Variants in PRDM16 observed in about 807,000 individuals in gnomAD.
PRDM16 encodes the protein histone-lysine N-methyltransferase PRDM16.
Under a neutral mutation model 110.6 loss-of-function variants are expected in PRDM16, and 23 were observed. That is an observed-to-expected ratio of 0.21 (90% CI 0.15 to 0.29). PRDM16 has a LOEUF of 0.29. Ranked by LOEUF, PRDM16 falls within the 10% of genes least tolerant of loss-of-function variation. PRDM16 has a pLI of 1.00. For missense variants in PRDM16, 1,615 were observed against 1,794.3 expected, an observed-to-expected ratio of 0.90 and a Z score of 1.81; for synonymous variants, 799 against 781.8, an observed-to-expected ratio of 1.02 and a Z score of -0.37.
chr1:3,186,079 G>C, intron 1 of PRDM16, 46 bp from the exon 2 acceptor site: 1 of 1,506,476 alleles, frequency 6.6e-7, no homozygotes, highest in Non-Finnish European at 9.2e-7. Context: ...GTACACACTG[G>C]GTGGGGCACG....
At chr1:3,110,272 C>G (rs896097998) in intron 1 of PRDM16, among the ~76,000 whole-genome samples, 1 of 142,802 alleles carries the variant, frequency 7.0e-6, no homozygotes, top group African/African-American at 2.6e-5. Context: ...TCCCCTATGT[C>G]CTGGGTGTGG....
chr1:3,165,813 A>G (rs1273285140), intron 1 of PRDM16, among the ~76,000 whole-genome samples: 1 of 81,756 alleles, frequency 1.2e-5, no homozygotes, highest in Non-Finnish European at 2.1e-5. Context: ...GGGCTCAGGC[A>G]CAGGGACTCA....
intron 3 of PRDM16, among the ~76,000 whole-genome samples, chr1:3,361,966 G>A (rs11583116): frequency 0.014 from 2,053 of 151,858 alleles, 18 homozygotes; most frequent in Middle Eastern, 0.024. Context: ...AGAAGTGACC[G>A]TGGCCCAGGA....
At position 3,412,543 on chromosome 1, in the gene PRDM16, G is replaced by A; in HGVS notation, c.2346G>A (p.Val782=). 4 of 1,612,436 alleles carry A rather than the reference G, an allele frequency of 2.5e-6. No homozygotes were observed. The highest frequency in any genetic ancestry group is 3.4e-6 in the Non-Finnish European group (4 of 1,179,984). Residue 782 remains valine (V), a synonymous_variant, in exon 9 of 17, where the codon GTG becomes GTA. Transcript: ENST00000270722. ...PFDLTTKPKD[V]KPILPMPKGP... ...ATCTCACCACCAAGCCCAAAGACGT[G>A]AAGCCCATCCTGCCCATGCCCAAGG... is the stretch of plus-strand genomic sequence containing the variant.
intron 3 of PRDM16, among the ~76,000 whole-genome samples, chr1:3,374,761 G>C (rs1316213906): frequency 2.6e-5 from 4 of 152,330 alleles, no homozygotes; most frequent in African/African-American, 7.2e-5. Flanking sequence ...GTCCCTTCGG[G>C]GGTCCTGAGG....
chr1:3,289,741 T>C (rs955861825), intron 3 of PRDM16, among the ~76,000 whole-genome samples: 3 of 152,130 alleles, frequency 2.0e-5, no homozygotes, highest in African/African-American at 7.2e-5. Context: ...CCATGGAACA[T>C]GGGACAGCCA....
In PRDM16 at chr1:3,175,543, C is replaced by T. The variant is rs138816116; in HGVS notation, c.38-10582C>T. On this transcript the variant is annotated intron_variant, in intron 1 of 16. Coordinates refer to ENST00000270722, the MANE Select transcript of PRDM16 (RefSeq NM_022114.4). The surrounding 1 kb of genome is among the most constrained non-coding windows in gnomAD (Gnocchi z 4.8). Reference sequence around the variant, plus strand: ...GGGGGAACATTCTCCAGGTCTCTGACCCACTACACAGCACTCCTCCCTGCT... The same window carrying T: ...GGGGGAACATTCTCCAGGTCTCTGATCCACTACACAGCACTCCTCCCTGCT... Among the ~76,000 whole-genome samples the T allele has an allele frequency of 6.9e-3, 1,053 of 152,170 alleles. 14 individuals carry two copies. Among genetic ancestry groups the T allele is most frequent in the African/African-American group, 0.023 (969 of 41,522 alleles).
chr1:3,353,828 C>T lies in PRDM16; in HGVS notation c.439-31324C>T, dbSNP rs546616702. 1.2e-4 allele frequency among the ~76,000 whole-genome samples: 18 copies of T among 152,226 alleles called. No individual in the cohort carries two copies. The East Asian group carries it at 2.7e-3, about 23-fold the overall frequency. On this transcript the variant is annotated intron_variant, in intron 3 of 16. Coordinates refer to ENST00000270722, the MANE Select transcript of PRDM16 (RefSeq NM_022114.4). This position sits in a 1 kb window ranked among gnomAD's most constrained non-coding sequence, Gnocchi z 5.4. ...TTACCCTGGGGACCCCTGCTCCCAG[C>T]GGAGCCAGTAGTGATGACAGGCGCA...
chr1:3,317,217 A>G (rs1228180244), intron 3 of PRDM16, among the ~76,000 whole-genome samples: 1 of 152,100 alleles, frequency 6.6e-6, no homozygotes, highest in Non-Finnish European at 1.5e-5. Flanking sequence ...GGTACGAGGG[A>G]TGTTTGCATC....
At chr1:3,194,391 G>A (rs1287529058) in intron 2 of PRDM16, among the ~76,000 whole-genome samples, 3 of 152,152 alleles carry the variant, frequency 2.0e-5, no homozygotes, top group Admixed American at 6.5e-5. Context: ...GGGGGCAGCC[G>A]GCGCTCATTG....
At chr1:3,423,319 C>T (rs1468703116) in intron 12 of PRDM16, among the ~76,000 whole-genome samples, 7 of 152,298 alleles carry the variant, frequency 4.6e-5, no homozygotes, top group Admixed American at 1.3e-4. Flanking sequence ...AGCCCCTGCA[C>T]GTGGGGAATG....
intron 3 of PRDM16, among the ~76,000 whole-genome samples, chr1:3,336,008 G>C (rs1642138063): frequency 6.6e-6 from 1 of 152,362 alleles, no homozygotes; most frequent in African/African-American, 2.4e-5. Flanking sequence ...GCCCCACAGA[G>C]GAGGCTGTGA....
intron 1 of PRDM16, among the ~76,000 whole-genome samples, chr1:3,147,608 C>A (rs1643700733): frequency 1.3e-5 from 2 of 152,188 alleles, no homozygotes; most frequent in South Asian, 4.1e-4. Context: ...CAAATCTTGA[C>A]CTTGGACTCT....
intron 3 of PRDM16, among the ~76,000 whole-genome samples, chr1:3,328,241 C>T (rs1641963097): frequency 6.6e-6 from 1 of 152,250 alleles, no homozygotes; most frequent in African/African-American, 2.4e-5. Context: ...GTTCCCTGGT[C>T]AGGTTTCTTA....
intron 12 of PRDM16, among the ~76,000 whole-genome samples, chr1:3,422,544 C>T (rs1383477348): frequency 1.3e-5 from 2 of 152,252 alleles, no homozygotes; most frequent in Non-Finnish European, 2.9e-5. Flanking sequence ...CCTTTCTCAG[C>T]AGTCAGTCAG....
At position 3,148,966 on chromosome 1, in the gene PRDM16, C is replaced by G. The variant is rs545158509; in HGVS notation, c.38-37159C>G. Reference sequence around the variant, plus strand: ...GGCTGGAGCCCAGCTCTACTGGTATCAGGGGGGTCATGGGAGCCCCCCATC... The same window carrying G: ...GGCTGGAGCCCAGCTCTACTGGTATGAGGGGGGTCATGGGAGCCCCCCATC... On this transcript the variant is annotated intron_variant, in intron 1 of 16. Transcript: ENST00000270722. The surrounding 1 kb of genome is among the most constrained non-coding windows in gnomAD (Gnocchi z 5.0). Among the ~76,000 whole-genome samples the G allele has an allele frequency of 6.6e-6, 1 of 152,300 alleles. No homozygotes were observed. The highest frequency in any genetic ancestry group is 2.4e-5 in the African/African-American group (1 of 41,566).
rs1175898701 is a variant in PRDM16, at chr1:3,181,728, A to ATG, written c.38-4397_38-4396insTG. Among the ~76,000 whole-genome samples, 4 of 90,136 alleles carry ATG rather than the reference A, an allele frequency of 4.4e-5. 1 individual carries two copies. Among genetic ancestry groups the ATG allele is most frequent in the Non-Finnish European group, 1.0e-4 (4 of 39,670 alleles). The allele number at this position is 90,136 out of a possible 152,430, so 59.1% of individuals were successfully genotyped here. On this transcript the variant is annotated intron_variant, in intron 1 of 16. Coordinates refer to ENST00000270722, the MANE Select transcript of PRDM16 (RefSeq NM_022114.4). ...CGGTCTTACACACGCAGTCTTACAC[A>ATG]CGGTCTTACACACGGAGTCTTACAC...
intron 3 of PRDM16, among the ~76,000 whole-genome samples, chr1:3,332,615 C>T (rs75387710): frequency 0.022 from 3,271 of 152,120 alleles, 181 homozygotes; most frequent in East Asian, 0.11. Flanking sequence ...CATTTTAAGG[C>T]GTGTCATTCG....
chr1:3,093,017 C>G (rs1430133142), intron 1 of PRDM16, among the ~76,000 whole-genome samples: 1 of 152,138 alleles, frequency 6.6e-6, no homozygotes, highest in Non-Finnish European at 1.5e-5. Flanking sequence ...TAATCACTGT[C>G]CAACTCCTGT....
Sources: gnomAD v4.1 joint callset for allele counts (sites outside exome capture counted in the v4.1 genomes callset) on GRCh38, gnomAD v4.1.1 for gene constraint, Gnocchi (gnomAD v3.1) non-coding constraint, MANE v1.5 for transcripts, NCBI Gene and HGNC (gene_info 2026-07-23, HGNC 2026-07-21) for gene names.